Variants in VTI1A observed in about 807,000 individuals in gnomAD.
VTI1A encodes vesicle transport through interaction with t-SNAREs homolog 1A.
Under a neutral mutation model 34.9 loss-of-function variants are expected in VTI1A, and 22 were observed. The ratio of observed to expected loss-of-function variants is 0.63; its 90% CI spans 0.45 to 0.90. The LOEUF is 0.90. Among genes scored for constraint, VTI1A ranks in the 40% least tolerant of loss-of-function variants. VTI1A has a pLI of 0.00. For synonymous variants in VTI1A, 87 were observed against 97.3 expected (o/e 0.89, Z 0.62); for missense variants, 268 against 275.6 (o/e 0.97, Z 0.20).
chr10:112,455,990 C>T lies in VTI1A; in HGVS notation c.95-4534C>T, dbSNP rs149910177. ...TCTGTGAGTAATAAGTATGTTGCTGCGTGCTAAGACTGACTCATTTATTCT... is the reference window on the plus strand; with the variant it reads ...TCTGTGAGTAATAAGTATGTTGCTGTGTGCTAAGACTGACTCATTTATTCT... On this transcript the variant is annotated intron_variant, in intron 1 of 7. Transcript: ENST00000393077. 7.0e-3 allele frequency among the ~76,000 whole-genome samples: 1,072 copies of T among 152,150 alleles called. 14 individuals are homozygous for T. The highest frequency in any genetic ancestry group is 0.025 in the African/African-American group (1,037 of 41,496).
rs1470047192 is a variant in VTI1A at position 112,816,121 on chromosome 10, T to G, written c.*738T>G. 4.6e-6 allele frequency: 1 copy of G among 219,308 alleles called. No homozygotes were observed. The highest frequency in any genetic ancestry group is 9.1e-6 in the Non-Finnish European group (1 of 109,418). 13.6% of individuals were successfully genotyped at this position (219,308 alleles called of 1,614,324 possible). A position where few individuals can be genotyped will look rare whatever the true frequency, so the allele number is the denominator to read the frequency against. ...TACTCCCCAGAATCTGCTGGCAAAGTGAGCCCTGGTACAGGATTTAATTGT... is the reference window on the plus strand; with the variant it reads ...TACTCCCCAGAATCTGCTGGCAAAGGGAGCCCTGGTACAGGATTTAATTGT... On this transcript the variant is annotated 3_prime_UTR_variant, in exon 8 of 8. Coordinates refer to ENST00000393077, the MANE Select transcript of VTI1A (RefSeq NM_145206.4).
At chr10:112,819,109 T>C (rs1397933623), downstream of VTI1A, among the ~76,000 whole-genome samples, 1 of 152,226 alleles carries the variant, frequency 6.6e-6, no homozygotes, top group African/African-American at 2.4e-5. Flanking sequence ...TGTTCTTAAT[T>C]TGCAACCTGT....
At chr10:112,617,899 A>T (rs1845565731) in intron 5 of VTI1A, among the ~76,000 whole-genome samples, 1 of 152,188 alleles carries the variant, frequency 6.6e-6, no homozygotes, top group South Asian at 2.1e-4. Flanking sequence ...TCACTCCTGT[A>T]ATCCCAGCAC....
At chr10:112,849,979 G>T in the VTI1A span, among the ~76,000 whole-genome samples, 2 of 152,174 alleles carry the variant, frequency 1.3e-5, no homozygotes, top group African/African-American at 4.8e-5. Context: ...ACCCAGGAAG[G>T]TGCACATCCT....
chr10:112,846,870 G>A, the VTI1A span, among the ~76,000 whole-genome samples: 9 of 152,122 alleles, frequency 5.9e-5, no homozygotes, highest in Admixed American at 2.0e-4. Flanking sequence ...ATTGAACAGC[G>A]GTGATTCTAG....
chr10:112,850,513 A>G, the VTI1A span, among the ~76,000 whole-genome samples: 3 of 152,134 alleles, frequency 2.0e-5, no homozygotes, highest in African/African-American at 4.8e-5. Context: ...CAAGACCACA[A>G]TTTGAAGACT....
At chr10:112,519,870 A>T (rs1849947514) in intron 3 of VTI1A, among the ~76,000 whole-genome samples, 1 of 152,062 alleles carries the variant, frequency 6.6e-6, no homozygotes, top group South Asian at 2.1e-4. Flanking sequence ...TGAAACTGTG[A>T]CTATGGACAG....
At chr10:112,604,216 T>C (rs960055695) in intron 5 of VTI1A, among the ~76,000 whole-genome samples, 1 of 152,142 alleles carries the variant, frequency 6.6e-6, no homozygotes, top group African/African-American at 2.4e-5. Flanking sequence ...CTGTGTTAGT[T>C]TGGGTATGTT....
intron 7 of VTI1A, among the ~76,000 whole-genome samples, chr10:112,723,321 A>G (rs1455896949): frequency 6.6e-6 from 1 of 152,020 alleles, no homozygotes; most frequent in Non-Finnish European, 1.5e-5. Flanking sequence ...AAAACTAAGA[A>G]CTCTTAGCAA....
chr10:112,846,350 G>A, the VTI1A span, among the ~76,000 whole-genome samples: 94 of 152,174 alleles, frequency 6.2e-4, no homozygotes, highest in African/African-American at 2.2e-3. Context: ...TGGACAGGCG[G>A]GAGATTGGCA....
chr10:112,758,362 T>C (rs565922813), intron 7 of VTI1A, among the ~76,000 whole-genome samples: 1 of 152,256 alleles, frequency 6.6e-6, no homozygotes, highest in East Asian at 1.9e-4. Context: ...CTACCCCTCA[T>C]CTCAAGCTCT....
At chr10:112,580,045 AT>A (rs1454328741) in intron 5 of VTI1A, among the ~76,000 whole-genome samples, 1 of 151,834 alleles carries the variant, frequency 6.6e-6, no homozygotes, top group African/African-American at 2.4e-5. Flanking sequence ...TAGAATTATT[AT>A]TTTTTTTCTT....
At chr10:112,744,967 T>A (rs1270115960) in intron 7 of VTI1A, among the ~76,000 whole-genome samples, 1 of 152,162 alleles carries the variant, frequency 6.6e-6, no homozygotes, top group East Asian at 1.9e-4. Context: ...ACTCAGTAAG[T>A]TATGAAAGTT....
intron 7 of VTI1A, among the ~76,000 whole-genome samples, chr10:112,771,017 A>G (rs1851800083): frequency 6.6e-6 from 1 of 151,798 alleles, no homozygotes; most frequent in Non-Finnish European, 1.5e-5. Flanking sequence ...AGTCGTTTTG[A>G]ATGGAGAAGA....
At chr10:112,848,012 G>GA in the VTI1A span, among the ~76,000 whole-genome samples, 529 of 152,024 alleles carry the variant, frequency 3.5e-3, 2 homozygotes, top group African/African-American at 0.011. Context: ...TGAATCATGA[G>GA]AAAAAAAATA....
intron 7 of VTI1A, among the ~76,000 whole-genome samples, chr10:112,750,388 C>G (rs1355772144): frequency 6.6e-6 from 1 of 151,916 alleles, no homozygotes; most frequent in Non-Finnish European, 1.5e-5. Context: ...TTCTCGTTTG[C>G]TTGTTTTTTG....
chr10:112,486,867 G>T (rs1848655196), intron 3 of VTI1A, among the ~76,000 whole-genome samples: 1 of 150,944 alleles, frequency 6.6e-6, no homozygotes, highest in South Asian at 2.1e-4. Flanking sequence ...AGTAATTTCT[G>T]CATTTCCACA....
intron 7 of VTI1A, among the ~76,000 whole-genome samples, 172 bp downstream of exon 7, chr10:112,669,170 G>T (rs947474399): frequency 1.3e-5 from 2 of 152,140 alleles, no homozygotes; most frequent in African/African-American, 2.4e-5. Flanking sequence ...TTTGGACAGG[G>T]ACACATACTA....
chr10:112,656,851 C>G (rs1278686651), intron 5 of VTI1A, among the ~76,000 whole-genome samples: 1 of 152,032 alleles, frequency 6.6e-6, no homozygotes, highest in Non-Finnish European at 1.5e-5. Flanking sequence ...GGAGGTGGGC[C>G]CTGGTGGGAG....
Sources: allele counts gnomAD v4.1 joint callset (sites outside exome capture counted in the v4.1 genomes callset), GRCh38; gene constraint gnomAD v4.1.1; transcripts MANE v1.5; gene names NCBI Gene and HGNC (gene_info 2026-07-23, HGNC 2026-07-21).